Variants in NSD2 observed in about 807,000 individuals in gnomAD.
The protein encoded by NSD2 is nuclear receptor binding SET domain protein 2.
A neutral mutation model predicts 139.0 loss-of-function variants in NSD2; 12 were observed. The observed-to-expected ratio is 0.09, with a 90% CI of 0.06 to 0.14. The LOEUF is 0.14. NSD2 is among the 10% of genes least tolerant of loss of function. The pLI is 1.00. For synonymous variants in NSD2, 669 were observed against 648.7 expected (o/e 1.03, Z -0.48); for missense variants, 1,155 against 1,745.0 (o/e 0.66, Z 6.02).
chr4:1,931,652 G>T (rs565009542), intron 6 of NSD2, among the ~76,000 whole-genome samples: 14 of 152,272 alleles, frequency 9.2e-5, no homozygotes, highest in African/African-American at 3.1e-4. Flanking sequence ...GGCCACATGT[G>T]CCTGCTGTCA....
At chr4:1,899,545 C>T (rs1305958177) in intron 1 of NSD2, 4 of 152,378 alleles carry the variant, frequency 2.6e-5, no homozygotes, top group African/African-American at 9.6e-5. Context: ...TCCCTAGTGT[C>T]TGATGCTATT....
chr4:1,978,774 C>T lies in NSD2; in HGVS notation c.3963C>T (p.Ser1321=). The change falls in exon 22 of 22, where the codon TCC becomes TCT. Residue 1321 remains serine (S), a synonymous_variant. Coordinates refer to ENST00000508803, the MANE Select transcript of NSD2 (RefSeq NM_001042424.3). ...TCAGCTGCACCCCGGACGGGCGGTC[C>T]TACTGCTGTGAGCATGACTTAGGGG... ...TAFSCTPDGR[S]YCCEHDLGAA... The T allele has an allele frequency of 6.2e-7, 1 of 1,614,020 alleles. No homozygotes were observed. Among genetic ancestry groups the T allele is most frequent in the Non-Finnish European group, 8.5e-7 (1 of 1,179,912 alleles).
In NSD2 at chr4:1,976,089, C is replaced by T. The variant is rs1480765338; in HGVS notation, c.3622-386C>T. Among the ~76,000 whole-genome samples, 1 of 152,198 alleles carries T rather than the reference C, an allele frequency of 6.6e-6. No homozygotes were observed. The highest frequency in any genetic ancestry group is 2.4e-5 in the African/African-American group (1 of 41,456). On this transcript the variant is annotated intron_variant, in intron 20 of 21. Transcript: ENST00000508803. This position sits in a 1 kb window ranked among gnomAD's most constrained non-coding sequence, Gnocchi z 5.3. ...CTGCCCTCAGGTCACTGCCGCCCAC[C>T]TGTGCCCACGTTCCTGTGGAATTTC...
rs1718619136 is a variant in NSD2, at chr4:1,911,251, C to T, written c.761-5620C>T. 2.6e-5 allele frequency among the ~76,000 whole-genome samples: 4 copies of T among 152,112 alleles called. 1 individual carries two copies. The highest frequency in any genetic ancestry group is 2.6e-4 in the Admixed American group (4 of 15,270). ...GGGATGTAGGTGGGGAGGTCAGTGA[C>T]TTGCATTTTTATACAGATGGTGATT... is the stretch of plus-strand genomic sequence containing the variant. On this transcript the variant is annotated intron_variant, in intron 3 of 21. Coordinates refer to ENST00000508803, the MANE Select transcript of NSD2 (RefSeq NM_001042424.3).
chr4:1,977,524 C>G (rs1364655897), intron 21 of NSD2, among the ~76,000 whole-genome samples: 1 of 152,132 alleles, frequency 6.6e-6, no homozygotes, highest in Non-Finnish European at 1.5e-5. Context: ...GCCTGTAATC[C>G]CAGTACTTTG....
intron 7 of NSD2, among the ~76,000 whole-genome samples, chr4:1,937,017 C>T (rs1036211327): frequency 2.6e-5 from 4 of 151,870 alleles, no homozygotes; most frequent in African/African-American, 9.7e-5. Context: ...TTTGTAGTTA[C>T]CAGGAAGCCT....
intron 5 of NSD2, among the ~76,000 whole-genome samples, chr4:1,925,356 GCTGA>G (rs2108832567): frequency 7.1e-6 from 1 of 140,782 alleles, no homozygotes; most frequent in East Asian, 2.1e-4. Context: ...GTTGCTACTT[GCTGA>G]CTCTTTAGAG....
At chr4:1,926,535 A>G (rs1339213032) in intron 5 of NSD2, among the ~76,000 whole-genome samples, 3 of 151,880 alleles carry the variant, frequency 2.0e-5, no homozygotes, top group Admixed American at 6.6e-5. Context: ...CAGTGGCACA[A>G]TCACAGCTCA....
chr4:1,954,138 C>G, intron 12 of NSD2, among the ~76,000 whole-genome samples: 1 of 152,154 alleles, frequency 6.6e-6, no homozygotes, highest in Middle Eastern at 3.2e-3. Flanking sequence ...GCACGTGCCA[C>G]CATACCTACC....
At position 1,958,361 on chromosome 4, in the gene NSD2, G is replaced by T. The variant is rs1221233734; in HGVS notation, c.2985+325G>T. ...TGCACCAGGCTGTTGCCAAGTGCTGGGAGTCAGTCACATACGGCCAGGGCT... is the reference window on the plus strand; with the variant it reads ...TGCACCAGGCTGTTGCCAAGTGCTGTGAGTCAGTCACATACGGCCAGGGCT... On this transcript the variant is annotated intron_variant, in intron 16 of 21. Transcript: ENST00000508803. This position sits in a 1 kb window ranked among gnomAD's most constrained non-coding sequence, Gnocchi z 4.6. Among the ~76,000 whole-genome samples, 1 of 152,224 alleles carries T rather than the reference G, an allele frequency of 6.6e-6. No homozygotes were observed. The highest frequency in any genetic ancestry group is 1.5e-5 in the Non-Finnish European group (1 of 68,036).
rs576141766 is a variant in NSD2 at position 1,979,477 on chromosome 4, T to G, written c.*568T>G. On this transcript the variant is annotated 3_prime_UTR_variant, in exon 22 of 22. Coordinates refer to ENST00000508803, the MANE Select transcript of NSD2 (RefSeq NM_001042424.3). ...ATGTGAATTGTTCCTCAGAAACGCT[T>G]CTTTTCCATCCTAGTGAGAAGCTGG... 31 of 233,162 alleles carry G rather than the reference T, an allele frequency of 1.3e-4. No individual in the cohort carries two copies. The highest frequency in any genetic ancestry group is 2.2e-4 in the Non-Finnish European group (26 of 118,054). 14.4% of individuals were successfully genotyped at this position (233,162 alleles called of 1,614,324 possible). A position where few individuals can be genotyped will look rare whatever the true frequency, so the allele number is the denominator to read the frequency against.
intron 1 of NSD2, among the ~76,000 whole-genome samples, chr4:1,873,791 A>G (rs1234299778): frequency 4.2e-5 from 3 of 71,754 alleles, no homozygotes; most frequent in Non-Finnish European, 1.5e-4. Flanking sequence ...CCAAGCAAGA[A>G]CTTAAAAGAA....
intron 7 of NSD2, 23 bp from the exon 8 acceptor site, chr4:1,938,428 T>C (rs1722709858): frequency 7.5e-6 from 9 of 1,192,584 alleles, no homozygotes; most frequent in Non-Finnish European, 1.0e-5. Flanking sequence ...TTTTTTTTTT[T>C]TTTTTTTTTT....
chr4:1,924,098 G>A (rs546936122), intron 5 of NSD2, among the ~76,000 whole-genome samples: 3 of 152,312 alleles, frequency 2.0e-5, no homozygotes, highest in African/African-American at 4.8e-5. Flanking sequence ...CAGGCCAGGC[G>A]CAAGGTGGGA....
Position 1,955,236 on chromosome 4 carries a change from T to C in NSD2, c.2414T>C (p.Val805Ala), listed in dbSNP as rs144335923. 249 of 1,614,158 alleles carry C rather than the reference T, an allele frequency of 1.5e-4. No homozygotes were observed. Among genetic ancestry groups the C allele is most frequent in the Middle Eastern group, 3.3e-4 (2 of 6,018 alleles). The change falls in exon 13 of 22, where the codon GTG becomes GCG. Residue 805 changes from valine (V) to alanine (A), a missense_variant. Transcript: ENST00000508803. The surrounding 1 kb of genome is among the most constrained non-coding windows in gnomAD (Gnocchi z 4.7). ...GDACLAAGCS[V>A]IASNSIICTA... ...GCTTGTCTGGCAGCAGGATGCTCAG[T>C]GATCGCCTCCAACAGCATCATCTGC...
rs1413902904 is a variant in NSD2, at chr4:1,979,140, G to T, written c.*231G>T. 2.2e-6 allele frequency: 1 copy of T among 447,882 alleles called. No homozygotes were observed. The highest frequency in any genetic ancestry group is 3.8e-6 in the Non-Finnish European group (1 of 261,486). The allele number at this position is 447,882 out of a possible 1,614,324, so 27.7% of individuals were successfully genotyped here. On this transcript the variant is annotated 3_prime_UTR_variant, in exon 22 of 22. Coordinates refer to ENST00000508803, the MANE Select transcript of NSD2 (RefSeq NM_001042424.3). ...CCAGCTCAGCGTTCCTGGACAAACA[G>T]CCTCACTCCTCAGCGTTACCGCCAC...
rs569541901 is a variant in NSD2, at chr4:1,936,747, A to G, written c.1674+1485A>G. Among the ~76,000 whole-genome samples, 507 of 151,604 alleles carry G rather than the reference A, an allele frequency of 3.3e-3. 2 individuals carry two copies. Among genetic ancestry groups the G allele is most frequent in the African/African-American group, 0.012 (489 of 41,336 alleles). On this transcript the variant is annotated intron_variant, in intron 7 of 21. Transcript: ENST00000508803. ...TGAGTAAAGCTTCATCCTGTTTTTC[A>G]CTGATCTGAGTTAAAATGCTCTTTT...
Position 1,963,586 on chromosome 4 carries a change from G to A in NSD2, c.3372+2435G>A, listed in dbSNP as rs577967449. Among the ~76,000 whole-genome samples the A allele has an allele frequency of 2.7e-4, 41 of 152,338 alleles. 1 individual carries two copies. The highest frequency in any genetic ancestry group is 3.4e-3 in the Middle Eastern group (1 of 294). On this transcript the variant is annotated intron_variant, in intron 18 of 21. Transcript: ENST00000508803. ...TGCTTTTGATTAGTAAAAAAGAAAT[G>A]CCAGGTTGAGCATTTAATCCACAAG... is the stretch of plus-strand genomic sequence containing the variant.
intron 1 of NSD2, among the ~76,000 whole-genome samples, chr4:1,879,241 C>CG: frequency 6.6e-6 from 1 of 151,968 alleles, no homozygotes; most frequent in Non-Finnish European, 1.5e-5. Flanking sequence ...TTTTTTGAGA[C>CG]GGAGTCTCGC....
Sources: gnomAD v4.1 joint callset for allele counts (sites outside exome capture counted in the v4.1 genomes callset) on GRCh38, gnomAD v4.1.1 for gene constraint, Gnocchi (gnomAD v3.1) non-coding constraint, MANE v1.5 for transcripts, NCBI Gene and HGNC (gene_info 2026-07-23, HGNC 2026-07-21) for gene names.